Variants in EXOC5 observed in about 807,000 individuals in gnomAD.
The protein encoded by EXOC5 is SEC10-like 1.
In EXOC5, 17 loss-of-function variants were observed where a neutral mutation model predicts 90.8. That is an observed-to-expected ratio of 0.19 (90% CI 0.13 to 0.28). The LOEUF (loss-of-function observed/expected upper bound fraction) is 0.28, where lower values mean the gene tolerates loss of function less well. Ranked by LOEUF, EXOC5 falls within the 10% of genes least tolerant of loss-of-function variation. The probability of loss-of-function intolerance (pLI) is 1.00; values close to 1 mark genes in which losing one functional copy is unlikely to be tolerated. For synonymous variants in EXOC5, 260 were observed against 270.0 expected, an observed-to-expected ratio of 0.96 and a Z score of 0.36; for missense variants, 569 against 830.6, an observed-to-expected ratio of 0.69 and a Z score of 3.87.
chr14:57,233,600 T>C, intron 9 of EXOC5, 143 bp downstream of exon 9: 1 of 571,066 alleles, frequency 1.8e-6, no homozygotes, highest in Admixed American at 3.3e-5. Context: ...TTAAAAAGCA[T>C]GAGGATTCCT....
At chr14:57,245,629 G>A (rs1415850330) in intron 3 of EXOC5, among the ~76,000 whole-genome samples, 6 of 152,080 alleles carry the variant, frequency 3.9e-5, no homozygotes, top group African/African-American at 1.4e-4. Flanking sequence ...ATTTCTCATA[G>A]CCACATATGT....
chr14:57,266,016 A>C (rs80271571), intron 1 of EXOC5, among the ~76,000 whole-genome samples: 13 of 152,364 alleles, frequency 8.5e-5, no homozygotes, highest in African/African-American at 3.1e-4. Flanking sequence ...AGTTGTTTTC[A>C]TTGAGAGTCA....
chr14:57,234,386 C>CACAT (rs1294730802), intron 7 of EXOC5, among the ~76,000 whole-genome samples: 1 of 151,626 alleles, frequency 6.6e-6, no homozygotes. Flanking sequence ...CCCACCCACA[C>CACAT]ACATACACAC....
intron 10 of EXOC5, chr14:57,232,310 C>T (rs886406479): frequency 3.8e-5 from 6 of 159,160 alleles, no homozygotes; most frequent in Non-Finnish European, 6.8e-5. Context: ...AAGAGTAACA[C>T]TGACATTTAC....
intron 1 of EXOC5, among the ~76,000 whole-genome samples, chr14:57,249,366 T>C (rs1318345587): frequency 6.6e-6 from 1 of 152,196 alleles, no homozygotes. Context: ...TATGTGTTAT[T>C]AATTTTATGT....
At chr14:57,230,815 T>TA (rs1339563868) in intron 11 of EXOC5, among the ~76,000 whole-genome samples, 2 of 151,962 alleles carry the variant, frequency 1.3e-5, no homozygotes, top group African/African-American at 4.8e-5. Flanking sequence ...TCAAGGTACT[T>TA]AAACTACAAA....
At chr14:57,238,375 T>TATATATATATACAC (rs1239623225) in intron 5 of EXOC5, among the ~76,000 whole-genome samples, 4 of 74,860 alleles carry the variant, frequency 5.3e-5, no homozygotes, top group Non-Finnish European at 1.1e-4. Context: ...TATATATATA[T>TATATATATATACAC]ACACACACAC....
At chr14:57,236,646 T>C (rs936506216) in intron 6 of EXOC5, among the ~76,000 whole-genome samples, 4 of 152,094 alleles carry the variant, frequency 2.6e-5, no homozygotes, top group Non-Finnish European at 1.5e-5. Context: ...TTCAGACCAA[T>C]CTATTGTGAT....
At chr14:57,215,157 GGGA>G (rs1882935672) in intron 15 of EXOC5, among the ~76,000 whole-genome samples, 3 of 152,020 alleles carry the variant, frequency 2.0e-5, no homozygotes, top group Admixed American at 1.3e-4. Context: ...GCTTGAACCA[GGGA>G]GGTGGAGGTT....
chr14:57,265,321 C>A (rs1017238371), intron 1 of EXOC5, among the ~76,000 whole-genome samples: 2 of 152,034 alleles, frequency 1.3e-5, no homozygotes, highest in African/African-American at 2.4e-5. Context: ...GTAGCCCAAA[C>A]AGAGAAAAGC....
rs1882656044 is a variant in EXOC5, at chr14:57,206,415, T to C, written c.*2194A>G. On this transcript the variant is annotated 3_prime_UTR_variant, in exon 18 of 18. Coordinates refer to ENST00000621441, the MANE Select transcript of EXOC5 (RefSeq NM_006544.4). Reference sequence around the variant, plus strand: ...TTTTCCCTCAGAGAAAGACCATCTGTTTAGGATAAATTTCTAGTCTTGTTT... The same window carrying C: ...TTTTCCCTCAGAGAAAGACCATCTGCTTAGGATAAATTTCTAGTCTTGTTT... 6.5e-6 allele frequency: 1 copy of C among 153,900 alleles called. No individual in the cohort carries two copies. Among genetic ancestry groups the C allele is most frequent in the African/African-American group, 2.4e-5 (1 of 41,428 alleles). 9.5% of individuals were successfully genotyped at this position (153,900 alleles called of 1,614,324 possible). A position where few individuals can be genotyped will look rare whatever the true frequency, so the allele number is the denominator to read the frequency against.
chr14:57,223,266 T>A (rs900783110), intron 12 of EXOC5, among the ~76,000 whole-genome samples: 51 of 152,236 alleles, frequency 3.4e-4, no homozygotes, highest in Non-Finnish European at 7.4e-5. Flanking sequence ...AAATCCTTTT[T>A]TAACAGTCAA....
At position 57,231,729 on chromosome 14, in the gene EXOC5, AG is replaced by A. The variant is rs1566730703; in HGVS notation, c.939-15del. The A allele has an allele frequency of 4.6e-6, 7 of 1,536,042 alleles. No homozygotes were observed. Among genetic ancestry groups the A allele is most frequent in the Non-Finnish European group, 4.4e-6 (5 of 1,124,484 alleles). On this transcript the variant is annotated splice_polypyrimidine_tract_variant and intron_variant, in intron 10 of 17. Transcript: ENST00000621441. ...AGATTGGTGGTTCTTTTCATGAAAA[AG>A]GGGGAGAAAAAGATTAATATACATT... is the stretch of plus-strand genomic sequence containing the variant.
intron 15 of EXOC5, among the ~76,000 whole-genome samples, chr14:57,216,841 T>C (rs1274540078): frequency 6.6e-6 from 1 of 152,026 alleles, no homozygotes. Context: ...CAACAGCCTA[T>C]GAAATGGAAG....
chr14:57,238,741 T>C (rs886302182), intron 5 of EXOC5, among the ~76,000 whole-genome samples: 1 of 152,054 alleles, frequency 6.6e-6, no homozygotes, highest in Non-Finnish European at 1.5e-5. Context: ...GGGGAATTCA[T>C]TACATGTTTG....
rs1166297327 is a variant in EXOC5 at position 57,207,867 on chromosome 14, T to C, written c.*742A>G. 6.6e-6 allele frequency: 1 copy of C among 152,138 alleles called. No homozygotes were observed. 9.4% of individuals were successfully genotyped at this position (152,138 alleles called of 1,614,324 possible). On this transcript the variant is annotated 3_prime_UTR_variant, in exon 18 of 18. Transcript: ENST00000621441. ...AGTGAAATACAAAATAAGGTAGTTT[T>C]ATTAATTTCTTACTAGAATTGGCTT...
chr14:57,211,933 CACT>C (rs1882840845), intron 15 of EXOC5, among the ~76,000 whole-genome samples: 1 of 152,190 alleles, frequency 6.6e-6, no homozygotes, highest in Non-Finnish European at 1.5e-5. Context: ...GATGATTGCT[CACT>C]GCAGCCTGGA....
rs1883524324 is a variant in EXOC5, at chr14:57,232,721, C to T, written c.884G>A (p.Cys295Tyr). ...ATATTGCTCTGCATCGGACTTCCTA[C>T]ATTCTTCTAACTGCTCTTTCACAAA... ...QSFVKEQLEE[C>Y]RKSDAEQYLK... is the part of the protein sequence containing the mutation. Residue 295 changes from cysteine (C) to tyrosine (Y), a missense_variant, in exon 10 of 18, where the codon TGT (cysteine) becomes TAT (tyrosine). Physicochemically the swap from Cys to Tyr is radical, Grantham distance 194 (BLOSUM62 -2). Coordinates refer to ENST00000621441, the MANE Select transcript of EXOC5 (RefSeq NM_006544.4). 6.5e-7 allele frequency: 1 copy of T among 1,550,144 alleles called. No homozygotes were observed. The highest frequency in any genetic ancestry group is 8.8e-7 in the Non-Finnish European group (1 of 1,133,004).
At chr14:57,230,384 CT>C (rs2139633505) in intron 11 of EXOC5, among the ~76,000 whole-genome samples, 1 of 151,756 alleles carries the variant, frequency 6.6e-6, no homozygotes, top group Admixed American at 6.6e-5. Context: ...GAAGGTTAAA[CT>C]TTTTTTGCTC....
Sources: allele counts gnomAD v4.1 joint callset (sites outside exome capture counted in the v4.1 genomes callset), GRCh38; gene constraint gnomAD v4.1.1; transcripts MANE v1.5; gene names NCBI Gene and HGNC (gene_info 2026-07-23, HGNC 2026-07-21).